Variants in GLMN observed in about 807,000 individuals in gnomAD.
The protein encoded by GLMN is glomulin, FKBP associated protein.
A neutral mutation model predicts 87.8 loss-of-function variants in GLMN; 75 were observed. The ratio of observed to expected loss-of-function variants is 0.85; its 90% CI spans 0.71 to 1.04. GLMN has a LOEUF of 1.04. Ranked by LOEUF, GLMN falls within the 50% of genes least tolerant of loss-of-function variation. The probability of loss-of-function intolerance (pLI) is 0.00; values close to 1 mark genes in which losing one functional copy is unlikely to be tolerated. For synonymous variants in GLMN, 206 were observed against 221.6 expected, an observed-to-expected ratio of 0.93 and a Z score of 0.63; for missense variants, 588 against 658.8, an observed-to-expected ratio of 0.89 and a Z score of 1.18.
chr1:92,362,489 CTTTGAATGAGTTTGGGAT>C, the GLMN span, among the ~76,000 whole-genome samples: 1 of 152,144 alleles, frequency 6.6e-6, no homozygotes. Context: ...CCACCATTCG[CTTTGAATGAGTTTGGGAT>C]TTGGCTGTTT....
At chr1:92,354,294 G>A in the GLMN span, among the ~76,000 whole-genome samples, 3 of 152,274 alleles carry the variant, frequency 2.0e-5, no homozygotes, top group Middle Eastern at 3.4e-3. Context: ...GGAAGCCATA[G>A]TTGATTACAT....
At chr1:92,278,428 T>C (rs1647565389) in intron 7 of GLMN, among the ~76,000 whole-genome samples, 1 of 152,208 alleles carries the variant, frequency 6.6e-6, no homozygotes, top group Non-Finnish European at 1.5e-5. Context: ...TATTAAATTA[T>C]GTATTCCTAA....
chr1:92,366,852 G>C, the GLMN span, among the ~76,000 whole-genome samples: 4 of 152,100 alleles, frequency 2.6e-5, no homozygotes, highest in African/African-American at 9.7e-5. Context: ...TTGACCCTTG[G>C]TGTTACTGGT....
intron 16 of GLMN, among the ~76,000 whole-genome samples, chr1:92,253,509 T>C (rs943300205): frequency 1.3e-5 from 2 of 152,156 alleles, no homozygotes; most frequent in Non-Finnish European, 2.9e-5. Context: ...AGCCACCTCA[T>C]ACAGGAGAGC....
the GLMN span, among the ~76,000 whole-genome samples, chr1:92,357,930 CGTTT>C: frequency 6.6e-6 from 1 of 152,092 alleles, no homozygotes; most frequent in Admixed American, 6.5e-5. Flanking sequence ...TTCATTTGCT[CGTTT>C]GTTTGTTTTA....
At chr1:92,300,213 T>C (rs1650718043), upstream of GLMN, 1 of 1,610,646 alleles carries the variant, frequency 6.2e-7, no homozygotes, top group Non-Finnish European at 8.5e-7. Context: ...AGACAAGTAC[T>C]TTGAAACAAG....
chr1:92,302,079 G>A (rs891313379), upstream of GLMN, among the ~76,000 whole-genome samples: 18 of 152,230 alleles, frequency 1.2e-4, 1 homozygote, highest in Admixed American at 1.0e-3. Context: ...TCAGGAGTTC[G>A]AGACCAGCCT....
chr1:92,264,433 A>G (rs1020115923), intron 14 of GLMN, 121 bp downstream of exon 14: 2 of 629,090 alleles, frequency 3.2e-6, no homozygotes, highest in African/African-American at 3.7e-5. Context: ...ATATGCCTTA[A>G]TAATATTTAA....
intron 16 of GLMN, among the ~76,000 whole-genome samples, chr1:92,250,804 C>CT (rs1400575757): frequency 6.6e-6 from 1 of 151,990 alleles, no homozygotes; most frequent in Non-Finnish European, 1.5e-5. Context: ...TAGTTCTTTT[C>CT]TTTTTATTAT....
intron 3 of GLMN, among the ~76,000 whole-genome samples, chr1:92,292,564 C>T (rs1285235890): frequency 1.3e-5 from 2 of 149,368 alleles, no homozygotes. Flanking sequence ...GCACCCGCCA[C>T]CATGCCTGGC....
intron 16 of GLMN, among the ~76,000 whole-genome samples, chr1:92,258,238 A>C (rs1654514002): frequency 8.0e-6 from 1 of 124,892 alleles, no homozygotes; most frequent in African/African-American, 2.9e-5. Flanking sequence ...GCGATCATTA[A>C]AAAGTCAGGA....
the GLMN span, among the ~76,000 whole-genome samples, chr1:92,329,041 G>A: frequency 1.3e-5 from 2 of 152,230 alleles, no homozygotes; most frequent in African/African-American, 4.8e-5. Context: ...TGGAGGTACA[G>A]GGGAGTGAAG....
At chr1:92,252,622 CTG>C (rs1017683284) in intron 16 of GLMN, among the ~76,000 whole-genome samples, 11 of 152,050 alleles carry the variant, frequency 7.2e-5, no homozygotes, top group African/African-American at 1.4e-4. Context: ...AGATGATAAA[CTG>C]TAATATTTTT....
At chr1:92,260,671 T>C (rs951638003) in intron 16 of GLMN, among the ~76,000 whole-genome samples, 6 of 149,694 alleles carry the variant, frequency 4.0e-5, no homozygotes, top group African/African-American at 9.9e-5. Flanking sequence ...CGTGGGAGGA[T>C]TGTTTGAGCT....
intron 8 of GLMN, among the ~76,000 whole-genome samples, chr1:92,271,264 A>G (rs1160138738): frequency 6.6e-6 from 1 of 152,106 alleles, no homozygotes; most frequent in Admixed American, 6.6e-5. Flanking sequence ...CCTTACACCT[A>G]TTTCAACACT....
intron 16 of GLMN, among the ~76,000 whole-genome samples, chr1:92,252,428 T>C (rs1233954738): frequency 6.6e-6 from 1 of 152,122 alleles, no homozygotes; most frequent in African/African-American, 2.4e-5. Flanking sequence ...ATTTAAATAG[T>C]CACATGTGTC....
intron 7 of GLMN, among the ~76,000 whole-genome samples, chr1:92,274,008 T>C (rs1456636580): frequency 6.6e-6 from 1 of 152,186 alleles, no homozygotes; most frequent in Admixed American, 6.5e-5. Context: ...CAAAATAACT[T>C]GTACCAAAGT....
the GLMN span, among the ~76,000 whole-genome samples, chr1:92,320,099 A>G: frequency 6.6e-6 from 1 of 152,142 alleles, no homozygotes; most frequent in Non-Finnish European, 1.5e-5. Context: ...TTGTACAGAC[A>G]ATGATGACTC....
At chr1:92,306,670 C>G in the GLMN span, among the ~76,000 whole-genome samples, 1 of 151,920 alleles carries the variant, frequency 6.6e-6, no homozygotes, top group South Asian at 2.1e-4. Context: ...AAATAGAGAC[C>G]CCATCTCTAC....
Sources: allele counts gnomAD v4.1 joint callset (sites outside exome capture counted in the v4.1 genomes callset), GRCh38; gene constraint gnomAD v4.1.1; transcripts MANE v1.5; gene names NCBI Gene and HGNC (gene_info 2026-07-23, HGNC 2026-07-21).